SDK2: variants seen among roughly 807,000 people sequenced by gnomAD.
The protein encoded by SDK2 is sidekick cell adhesion molecule 2.
In SDK2, 105 loss-of-function variants were observed where a neutral mutation model predicts 253.9. That is an observed-to-expected ratio of 0.41 (90% CI 0.35 to 0.49). The LOEUF (loss-of-function observed/expected upper bound fraction) is 0.49. Ranked by LOEUF, SDK2 falls within the 20% of genes least tolerant of loss-of-function variation. The pLI is 0.06. For synonymous variants in SDK2, 1,249 were observed against 1,234.9 expected (o/e 1.01, Z -0.24); for missense variants, 2,608 against 3,003.0 (o/e 0.87, Z 3.07).
rs1340395867 is a variant in SDK2 at position 73,465,278 on chromosome 17, G to C, written c.331+6834C>G. Among the ~76,000 whole-genome samples the C allele has an allele frequency of 1.3e-5, 2 of 150,628 alleles. No individual in the cohort carries two copies. Among genetic ancestry groups the C allele is most frequent in the Non-Finnish European group, 3.0e-5 (2 of 67,518 alleles). On this transcript the variant is annotated intron_variant, in intron 3 of 44. Transcript: ENST00000392650. This position sits in a 1 kb window ranked among gnomAD's most constrained non-coding sequence, Gnocchi z 4.2. ...GGAAGGAAGCTGGCCAGCCTCCCAG[G>C]ATGGGGCAGGCGCTCTGCCCTGCTG...
At chr17:73,627,230 C>T (rs2046213516) in intron 1 of SDK2, among the ~76,000 whole-genome samples, 1 of 152,132 alleles carries the variant, frequency 6.6e-6, no homozygotes, top group Admixed American at 6.5e-5. Flanking sequence ...ACCATATTTC[C>T]TCTAAATGCA....
intron 12 of SDK2, 34 bp downstream of exon 12, chr17:73,430,477 C>T (rs371761550): frequency 1.1e-5 from 17 of 1,504,200 alleles, no homozygotes; most frequent in African/African-American, 4.1e-5. Context: ...GCTCCCCCTC[C>T]CCTCTTGCCT....
chr17:73,469,787 A>C (rs956238318), intron 3 of SDK2, among the ~76,000 whole-genome samples: 76 of 152,156 alleles, frequency 5.0e-4, no homozygotes, highest in African/African-American at 1.7e-3. Context: ...CATTTCAGCC[A>C]CAGAAACACT....
chr17:73,623,981 G>A (rs957901287), intron 1 of SDK2, among the ~76,000 whole-genome samples: 7 of 152,186 alleles, frequency 4.6e-5, no homozygotes, highest in South Asian at 2.1e-4. Flanking sequence ...CAGGGCCTCC[G>A]GGTTGTTTTT....
chr17:73,427,033 C>T (rs189152628), intron 12 of SDK2, among the ~76,000 whole-genome samples: 5 of 151,818 alleles, frequency 3.3e-5, no homozygotes, highest in African/African-American at 4.8e-5. Context: ...TGCAGTGTGC[C>T]GAGATGGTGC....
At chr17:73,539,512 T>A (rs1264449490) in intron 1 of SDK2, among the ~76,000 whole-genome samples, 3 of 42,524 alleles carry the variant, frequency 7.1e-5, no homozygotes, top group Non-Finnish European at 9.5e-5. Flanking sequence ...AGCTGGGGGG[T>A]GGTGGGGGGC....
intron 2 of SDK2, among the ~76,000 whole-genome samples, chr17:73,490,300 T>C (rs1485499119): frequency 1.3e-5 from 2 of 152,184 alleles, no homozygotes; most frequent in Non-Finnish European, 2.9e-5. Context: ...GGCACCCTGA[T>C]AAAGCACAGC....
chr17:73,516,709 C>T (rs2064031969), intron 1 of SDK2: 1 of 152,272 alleles, frequency 6.6e-6, no homozygotes, highest in Non-Finnish European at 1.5e-5. Context: ...CAGTGACCTT[C>T]AGGAACCAGG....
chr17:73,493,341 C>T (rs1490869979), intron 2 of SDK2, among the ~76,000 whole-genome samples: 1 of 152,170 alleles, frequency 6.6e-6, no homozygotes, highest in Non-Finnish European at 1.5e-5. Flanking sequence ...TTAAAGGCGG[C>T]GGCGAGTGCT....
In SDK2 at chr17:73,563,648, T is replaced by C. The variant is rs547142782; in HGVS notation, c.65-56051A>G. Among the ~76,000 whole-genome samples the C allele has an allele frequency of 9.3e-4, 142 of 152,366 alleles. 1 individual carries two copies. The highest frequency in any genetic ancestry group is 3.1e-3 in the African/African-American group (129 of 41,594). On this transcript the variant is annotated intron_variant, in intron 1 of 44. Coordinates refer to ENST00000392650, the MANE Select transcript of SDK2 (RefSeq NM_001144952.2). Reference sequence around the variant, plus strand: ...ATCTATCTCTGAGTTTGATATTCATTGAGCAACTTTGTAGTACAACAGTGC... The same window carrying C: ...ATCTATCTCTGAGTTTGATATTCATCGAGCAACTTTGTAGTACAACAGTGC...
chr17:73,596,331 G>A (rs1363967026), intron 1 of SDK2, among the ~76,000 whole-genome samples: 1 of 152,120 alleles, frequency 6.6e-6, no homozygotes, highest in Non-Finnish European at 1.5e-5. Flanking sequence ...ACTCCAACTG[G>A]GGACCTGGAG....
At position 73,427,642 on chromosome 17, in the gene SDK2, C is replaced by CAA. The variant is rs9302965; in HGVS notation, c.1583+2867_1583+2868dup. Among the ~76,000 whole-genome samples the CAA allele has an allele frequency of 8.5e-4, 90 of 105,812 alleles. 2 individuals carry two copies. The highest frequency in any genetic ancestry group is 1.9e-3 in the African/African-American group (56 of 29,250). The allele number at this position is 105,812 out of a possible 152,430, so 69.4% of individuals were successfully genotyped here. A position where few individuals can be genotyped will look rare whatever the true frequency, so the allele number is the denominator to read the frequency against. ...GCTGGAAAACCTTGACATCCACATG[C>CAA]AAAAAAAAAAAAAAAAAAAATCTAG... On this transcript the variant is annotated intron_variant, in intron 12 of 44. Coordinates refer to ENST00000392650, the MANE Select transcript of SDK2 (RefSeq NM_001144952.2).
rs1457412665 is a variant in SDK2 at position 73,412,044 on chromosome 17, ATG to A, written c.2484+2598_2484+2599del. 1.7e-3 allele frequency among the ~76,000 whole-genome samples: 11 copies of A among 6,520 alleles called. 2 individuals are homozygous for A. The highest frequency in any genetic ancestry group is 0.17 in the Middle Eastern group (2 of 12). The allele number at this position is 6,520 out of a possible 152,430, so 4.3% of individuals were successfully genotyped here. ...CGTATATGTATATATACGTATATAT[ATG>A]TATATACGTATATGTATATATACGT... On this transcript the variant is annotated intron_variant, in intron 18 of 44. Transcript: ENST00000392650.
chr17:73,528,468 A>C (rs1209372025), intron 1 of SDK2, among the ~76,000 whole-genome samples: 1 of 152,214 alleles, frequency 6.6e-6, no homozygotes, highest in Non-Finnish European at 1.5e-5. Context: ...GGAAGCAGCG[A>C]TGCAGTGAGG....
intron 1 of SDK2, among the ~76,000 whole-genome samples, chr17:73,544,735 G>A (rs765218206): frequency 2.6e-5 from 4 of 152,204 alleles, no homozygotes; most frequent in Non-Finnish European, 4.4e-5. Context: ...TCATTTCACA[G>A]GGAGGAAACA....
intron 2 of SDK2, among the ~76,000 whole-genome samples, chr17:73,501,500 G>A (rs1239576955): frequency 3.3e-5 from 5 of 152,200 alleles, no homozygotes; most frequent in Non-Finnish European, 7.3e-5. Flanking sequence ...TTTAAAGTCA[G>A]ATTTTGCTTT....
intron 18 of SDK2, among the ~76,000 whole-genome samples, chr17:73,412,052 ACG>A (rs2063137390): frequency 4.7e-4 from 2 of 4,212 alleles, no homozygotes; most frequent in South Asian, 8.3e-3. Context: ...ATATGTATAT[ACG>A]TATATGTATA....
intron 44 of SDK2, among the ~76,000 whole-genome samples, chr17:73,339,748 G>A (rs1231517552): frequency 2.6e-5 from 4 of 152,124 alleles, no homozygotes; most frequent in Non-Finnish European, 5.9e-5. Context: ...CTTGTGATGA[G>A]CTCTCCTTAT....
At chr17:73,558,406 T>A (rs1387500712) in intron 1 of SDK2, among the ~76,000 whole-genome samples, 1 of 140,986 alleles carries the variant, frequency 7.1e-6, no homozygotes, top group Non-Finnish European at 1.5e-5. Flanking sequence ...TAACTTCAGT[T>A]AGGAAGGAAG....
Sources: allele counts gnomAD v4.1 joint callset (sites outside exome capture counted in the v4.1 genomes callset), GRCh38; gene constraint gnomAD v4.1.1; non-coding constraint Gnocchi (gnomAD v3.1); transcripts MANE v1.5; gene names NCBI Gene and HGNC (gene_info 2026-07-23, HGNC 2026-07-21).